The following TTLL5 variants were observed in gnomAD, a reference collection of about 807,000 sequenced individuals.
TTLL5 encodes tubulin tyrosine ligase like 5, also known as tubulin polyglutamylase TTLL5.
Under a neutral mutation model 168.4 loss-of-function variants are expected in TTLL5, and 132 were observed. That is an observed-to-expected ratio of 0.78 (90% CI 0.68 to 0.91). The LOEUF (loss-of-function observed/expected upper bound fraction) is 0.91, where lower values mean the gene tolerates loss of function less well. Ranked by LOEUF, TTLL5 falls within the 40% of genes least tolerant of loss-of-function variation. The probability of loss-of-function intolerance (pLI) is 0.00; values close to 1 mark genes in which losing one functional copy is unlikely to be tolerated. For missense variants in TTLL5, 1,545 were observed against 1,581.5 expected, an observed-to-expected ratio of 0.98 and a Z score of 0.39; for synonymous variants, 546 against 558.6, an observed-to-expected ratio of 0.98 and a Z score of 0.32.
intron 15 of TTLL5, among the ~76,000 whole-genome samples, chr14:75,743,575 C>CTT (rs33959405): frequency 0.06 from 3,766 of 63,012 alleles, 511 homozygotes; most frequent in East Asian, 0.15. Flanking sequence ...TGGCATCGCT[C>CTT]TTTTTTTTTT....
chr14:75,908,630 G>A (rs2033243696), intron 31 of TTLL5, among the ~76,000 whole-genome samples: 1 of 152,114 alleles, frequency 6.6e-6, no homozygotes, highest in South Asian at 2.1e-4. Context: ...AAGGATATTA[G>A]GAGCAAAGCC....
At chr14:75,875,841 T>C (rs1211130586) in intron 29 of TTLL5, among the ~76,000 whole-genome samples, 3 of 152,256 alleles carry the variant, frequency 2.0e-5, no homozygotes, top group Non-Finnish European at 2.9e-5. Flanking sequence ...AATAAGTTTG[T>C]ATATGCATAG....
chr14:75,761,513 A>G (rs1430947209), intron 18 of TTLL5, among the ~76,000 whole-genome samples: 1 of 152,256 alleles, frequency 6.6e-6, no homozygotes, highest in Non-Finnish European at 1.5e-5. Context: ...CAGAAATAAA[A>G]TGGGATGAAT....
intron 10 of TTLL5, among the ~76,000 whole-genome samples, chr14:75,719,122 C>G (rs1169360656): frequency 1.3e-5 from 2 of 152,150 alleles, no homozygotes; most frequent in African/African-American, 4.8e-5. Flanking sequence ...ATTGGCCACT[C>G]CGCTGCCATA....
intron 28 of TTLL5, among the ~76,000 whole-genome samples, chr14:75,832,714 T>C (rs530944217): frequency 5.9e-5 from 9 of 152,336 alleles, no homozygotes; most frequent in African/African-American, 2.2e-4. Context: ...CTGCTGCCGA[T>C]GTACAAAGAC....
In TTLL5 at chr14:75,863,788, T is replaced by C; in HGVS notation, c.3448T>C (p.Phe1150Leu). The part of the protein sequence containing the change: ...HPTAGSYQLQ[F>L]ALQQLEQQKL... ...CACAGCAGGCAGCTATCAGCTTCAATTTGCCCTGCAGCAACTTGAACAACA... is the reference window on the plus strand; with the variant it reads ...CACAGCAGGCAGCTATCAGCTTCAACTTGCCCTGCAGCAACTTGAACAACA... The change falls in exon 29 of 32, where the codon TTT (phenylalanine) becomes CTT (leucine). Residue 1150 changes from phenylalanine (F) to leucine (L), a missense_variant. Physicochemically the swap from Phe to Leu is conservative, Grantham distance 22. Coordinates refer to ENST00000298832, the MANE Select transcript of TTLL5 (RefSeq NM_015072.5). 6.2e-7 allele frequency: 1 copy of C among 1,613,636 alleles called. No individual in the cohort carries two copies. Among genetic ancestry groups the C allele is most frequent in the Non-Finnish European group, 8.5e-7 (1 of 1,179,912 alleles).
intron 18 of TTLL5, among the ~76,000 whole-genome samples, chr14:75,756,294 A>G (rs973602368): frequency 1.3e-5 from 2 of 152,122 alleles, no homozygotes; most frequent in Non-Finnish European, 2.9e-5. Context: ...GTGACTCTAT[A>G]TAATATTTTT....
Position 75,764,701 on chromosome 14 carries a change from T to A in TTLL5, c.1637T>A (p.Leu546His). ...CATGCTGCACTTTACGAGAGGAAGC[T>A]CCTGTCTCTGGAGGTGCGAAAACGT... The part of the protein sequence containing the change: ...KLHAALYERK[L>H]LSLEVRKRRR... The change falls in exon 19 of 32, where the codon CTC becomes CAC. Residue 546 changes from leucine (L) to histidine (H), a missense_variant. Physicochemically the swap from Leu to His is moderately conservative, Grantham distance 99. Coordinates refer to ENST00000298832, the MANE Select transcript of TTLL5 (RefSeq NM_015072.5). The A allele has an allele frequency of 6.2e-7, 1 of 1,614,138 alleles. No individual in the cohort carries two copies. The highest frequency in any genetic ancestry group is 8.5e-7 in the Non-Finnish European group (1 of 1,179,996).
In TTLL5 at chr14:75,766,254, C is replaced by T; in HGVS notation, c.1901C>T (p.Ser634Phe). The change falls in exon 20 of 32, where the codon TCC becomes TTC. Residue 634 changes from serine (S) to phenylalanine (F), a missense_variant. Transcript: ENST00000298832. Reference sequence around the variant, plus strand: ...GTAGAAAATACACCCAAAGAAAATTCCATGAAAGTTCGTGAATGGAATAAT... The same window carrying T: ...GTAGAAAATACACCCAAAGAAAATTTCATGAAAGTTCGTGAATGGAATAAT... ...ALVENTPKEN[S>F]MKVREWNNKG... 1 of 1,613,966 alleles carries T rather than the reference C, an allele frequency of 6.2e-7. No homozygotes were observed. The highest frequency in any genetic ancestry group is 8.5e-7 in the Non-Finnish European group (1 of 1,179,968).
intron 28 of TTLL5, among the ~76,000 whole-genome samples, chr14:75,852,572 A>G (rs1422076511): frequency 6.6e-6 from 1 of 152,186 alleles, no homozygotes; most frequent in African/African-American, 2.4e-5. Flanking sequence ...CTCTTCCCAT[A>G]GAAGAACCAT....
intron 12 of TTLL5, among the ~76,000 whole-genome samples, chr14:75,721,196 C>A (rs762807375): frequency 1.3e-5 from 2 of 151,974 alleles, no homozygotes; most frequent in Non-Finnish European, 2.9e-5. Context: ...CTTTCTCTTT[C>A]TCTTCCTCTT....
intron 3 of TTLL5, among the ~76,000 whole-genome samples, chr14:75,674,392 G>T (rs1883984101): frequency 6.6e-6 from 1 of 152,156 alleles, no homozygotes; most frequent in African/African-American, 2.4e-5. Context: ...CAGATCATAA[G>T]CCTGTGGTTA....
intron 31 of TTLL5, among the ~76,000 whole-genome samples, chr14:75,910,133 A>G (rs1206682101): frequency 6.6e-6 from 1 of 152,192 alleles, no homozygotes; most frequent in African/African-American, 2.4e-5. Context: ...CTGAAAATTG[A>G]TATTTTTTTC....
Position 75,775,501 on chromosome 14 carries a change from C to T in TTLL5, c.2154C>T (p.Phe718=). 1.9e-6 allele frequency: 3 copies of T among 1,613,840 alleles called. No homozygotes were observed. The highest frequency in any genetic ancestry group is 2.5e-6 in the Non-Finnish European group (3 of 1,179,902). ...EDEQMELVVR[F]LKRASNNLQH... ...ATTTATAGGAGCTGGTTGTTCGTTT[C>T]CTCAAGCGAGCATCAAATAACCTCC... Residue 718 remains phenylalanine (F), a synonymous_variant, in exon 22 of 32, where the codon TTC becomes TTT. Coordinates refer to ENST00000298832, the MANE Select transcript of TTLL5 (RefSeq NM_015072.5).
chr14:75,713,698 A>G (rs1237692154), intron 9 of TTLL5, among the ~76,000 whole-genome samples: 1 of 152,230 alleles, frequency 6.6e-6, no homozygotes, highest in Non-Finnish European at 1.5e-5. Context: ...TGGAGACTGG[A>G]GAATGGAGAG....
intron 31 of TTLL5, among the ~76,000 whole-genome samples, chr14:75,951,364 TAA>T (rs1194200034): frequency 6.6e-6 from 1 of 152,114 alleles, no homozygotes; most frequent in Non-Finnish European, 1.5e-5. Context: ...AATAAATACA[TAA>T]CCTTTTCTGT....
chr14:75,776,313 A>G (rs1891722735), intron 22 of TTLL5, among the ~76,000 whole-genome samples: 1 of 152,222 alleles, frequency 6.6e-6, no homozygotes. Context: ...GTTATGTCTT[A>G]TATAAGTGAA....
chr14:75,893,797 A>G (rs1411106831), intron 30 of TTLL5, among the ~76,000 whole-genome samples: 10 of 145,800 alleles, frequency 6.9e-5, no homozygotes, highest in African/African-American at 2.6e-4. Context: ...CAGCGTGGGC[A>G]ACAGAGCGAG....
intron 2 of TTLL5, among the ~76,000 whole-genome samples, chr14:75,667,655 G>C (rs1300184365): frequency 6.6e-6 from 1 of 151,212 alleles, no homozygotes; most frequent in East Asian, 1.9e-4. Context: ...TTCTTCACTA[G>C]AAAGCAGTTG....
Sources: gnomAD v4.1 joint callset for allele counts (sites outside exome capture counted in the v4.1 genomes callset) on GRCh38, gnomAD v4.1.1 for gene constraint, MANE v1.5 for transcripts, NCBI Gene and HGNC (gene_info 2026-07-23, HGNC 2026-07-21) for gene names.